PCDH9: variants seen among roughly 807,000 people sequenced by gnomAD.
PCDH9 encodes the protein protocadherin 9.
In PCDH9, 24 loss-of-function variants were observed where a neutral mutation model predicts 70.6. The observed-to-expected ratio is 0.34, with a 90% CI of 0.25 to 0.48. The LOEUF (loss-of-function observed/expected upper bound fraction) is 0.48, where lower values mean the gene tolerates loss of function less well. Ranked by LOEUF, PCDH9 falls within the 20% of genes least tolerant of loss-of-function variation. PCDH9 has a pLI of 0.99. For missense variants in PCDH9, 1,281 were observed against 1,503.6 expected (o/e 0.85, Z 2.45); for synonymous variants, 562 against 558.5 (o/e 1.01, Z -0.09).
intron 4 of PCDH9, among the ~76,000 whole-genome samples, chr13:66,482,038 C>T (rs975855275): frequency 2.0e-5 from 3 of 152,074 alleles, no homozygotes; most frequent in East Asian, 3.9e-4. Flanking sequence ...TCACCAAAAA[C>T]CATAAACTCT....
chr13:66,545,114 T>C (rs1454440771), intron 4 of PCDH9, among the ~76,000 whole-genome samples: 1 of 152,162 alleles, frequency 6.6e-6, no homozygotes, highest in Non-Finnish European at 1.5e-5. Context: ...CATGATTACA[T>C]TGAATAAGAA....
intron 4 of PCDH9, among the ~76,000 whole-genome samples, chr13:66,484,997 A>C (rs1261061387): frequency 6.6e-6 from 1 of 152,186 alleles, no homozygotes; most frequent in Non-Finnish European, 1.5e-5. Flanking sequence ...ATGTACCTGC[A>C]ATTTTTGTTA....
chr13:66,713,204 G>A (rs1439518990), intron 3 of PCDH9, among the ~76,000 whole-genome samples: 1 of 152,050 alleles, frequency 6.6e-6, no homozygotes, highest in African/African-American at 2.4e-5. Flanking sequence ...TAAAGACAGT[G>A]ATCTTACCAA....
intron 3 of PCDH9, among the ~76,000 whole-genome samples, chr13:66,782,403 A>G (rs1218894418): frequency 3.9e-5 from 6 of 152,136 alleles, no homozygotes; most frequent in African/African-American, 1.4e-4. Flanking sequence ...TGGGGTATCA[A>G]TCATGGTAAT....
At chr13:66,712,974 AAATTTT>A (rs2078815907) in intron 3 of PCDH9, among the ~76,000 whole-genome samples, 1 of 152,330 alleles carries the variant, frequency 6.6e-6, no homozygotes, top group East Asian at 1.9e-4. Flanking sequence ...ACTTGAGCTT[AAATTTT>A]GTTTGCCAAT....
intron 3 of PCDH9, among the ~76,000 whole-genome samples, chr13:66,839,094 AAAT>A (rs1393079777): frequency 2.0e-5 from 3 of 151,960 alleles, no homozygotes; most frequent in Non-Finnish European, 2.9e-5. Context: ...AAAACTTTAA[AAAT>A]AATATTATAA....
rs573799689 is a variant in PCDH9 at position 66,910,543 on chromosome 13, T to G, written c.3037-6938A>C. 1.8e-3 allele frequency among the ~76,000 whole-genome samples: 274 copies of G among 152,244 alleles called. 2 individuals carry two copies. The highest frequency in any genetic ancestry group is 6.3e-3 in the African/African-American group (262 of 41,554). On this transcript the variant is annotated intron_variant, in intron 2 of 4. Coordinates refer to ENST00000377865, the MANE Select transcript of PCDH9 (RefSeq NM_203487.3). ...TTATGCGTAAAAAAATCTTACAAAT[T>G]TAAGTAAAAAGAGGATTGGGGAAAA...
At chr13:66,913,549 C>A (rs1594251357) in intron 2 of PCDH9, among the ~76,000 whole-genome samples, 2 of 151,990 alleles carry the variant, frequency 1.3e-5, no homozygotes, top group African/African-American at 4.8e-5. Context: ...CATCATCTGA[C>A]TTAGTTTCAC....
At chr13:66,871,424 T>TA (rs1336446916) in intron 3 of PCDH9, among the ~76,000 whole-genome samples, 3 of 118,140 alleles carry the variant, frequency 2.5e-5, no homozygotes, top group African/African-American at 1.1e-4. Context: ...AAAAAATAAA[T>TA]AAAATTAAAA....
At chr13:66,371,149 C>A (rs1956643965) in intron 4 of PCDH9, among the ~76,000 whole-genome samples, 1 of 151,960 alleles carries the variant, frequency 6.6e-6, no homozygotes, top group Non-Finnish European at 1.5e-5. Flanking sequence ...AAAAATAGCA[C>A]AAAGGTGGTA....
At chr13:66,383,021 T>G (rs548539836) in intron 4 of PCDH9, among the ~76,000 whole-genome samples, 53 of 92,822 alleles carry the variant, frequency 5.7e-4, no homozygotes, top group African/African-American at 2.1e-3. Flanking sequence ...GAGCGAGACT[T>G]TGTCTCAAAA....
At chr13:66,929,456 T>A (rs976092257) in intron 2 of PCDH9, among the ~76,000 whole-genome samples, 1 of 152,096 alleles carries the variant, frequency 6.6e-6, no homozygotes, top group Non-Finnish European at 1.5e-5. Flanking sequence ...CCCTTGTAAC[T>A]GTGATTACAG....
intron 4 of PCDH9, among the ~76,000 whole-genome samples, chr13:66,543,389 T>C (rs1258926473): frequency 6.6e-6 from 1 of 151,910 alleles, no homozygotes; most frequent in Non-Finnish European, 1.5e-5. Context: ...GCTAACATGG[T>C]GAAACTCCCT....
intron 2 of PCDH9, among the ~76,000 whole-genome samples, chr13:67,137,926 T>A (rs546272337): frequency 6.6e-6 from 1 of 152,284 alleles, no homozygotes; most frequent in African/African-American, 2.4e-5. Context: ...TAAAAATTTT[T>A]GAAGCTGAAA....
chr13:66,307,568 C>T (rs1955489512), intron 4 of PCDH9, among the ~76,000 whole-genome samples: 1 of 151,974 alleles, frequency 6.6e-6, no homozygotes, highest in Admixed American at 6.6e-5. Context: ...GAGTTAATCA[C>T]CAATTTGATA....
At chr13:66,818,517 G>GA (rs1468140725) in intron 3 of PCDH9, among the ~76,000 whole-genome samples, 3 of 152,082 alleles carry the variant, frequency 2.0e-5, no homozygotes, top group African/African-American at 4.8e-5. Flanking sequence ...AAAAGAACAT[G>GA]AAAAAAATTA....
At chr13:66,617,596 A>T (rs1234110233) in intron 4 of PCDH9, among the ~76,000 whole-genome samples, 1 of 152,180 alleles carries the variant, frequency 6.6e-6, no homozygotes, top group African/African-American at 2.4e-5. Flanking sequence ...GAAGCCCAAC[A>T]TGCCGGCAAA....
chr13:67,146,895 T>C (rs2087536407), intron 2 of PCDH9, among the ~76,000 whole-genome samples: 3 of 152,218 alleles, frequency 2.0e-5, no homozygotes, highest in Admixed American at 2.0e-4. Context: ...TCCTTTTCTC[T>C]CTTTTCTGAT....
At chr13:67,217,888 T>C (rs2089643329) in intron 2 of PCDH9, 1 of 152,104 alleles carries the variant, frequency 6.6e-6, no homozygotes, top group African/African-American at 2.4e-5. Context: ...ATCATCTATC[T>C]TGAATAATTA....
Sources: allele counts gnomAD v4.1 joint callset (sites outside exome capture counted in the v4.1 genomes callset), GRCh38; gene constraint gnomAD v4.1.1; transcripts MANE v1.5; gene names NCBI Gene and HGNC (gene_info 2026-07-23, HGNC 2026-07-21).